MEF2A: variants seen among roughly 807,000 people sequenced by gnomAD.
MEF2A encodes myocyte enhancer factor 2A.
MEF2A carries 28 observed loss-of-function variants against 55.8 expected under a neutral mutation model. The ratio of observed to expected loss-of-function variants is 0.50; its 90% CI spans 0.37 to 0.69. The LOEUF (loss-of-function observed/expected upper bound fraction) is 0.69. Ranked by LOEUF, MEF2A falls within the 30% of genes least tolerant of loss-of-function variation. The pLI is 0.00. For missense variants in MEF2A, 528 were observed against 626.2 expected, an observed-to-expected ratio of 0.84 and a Z score of 1.67; for synonymous variants, 239 against 227.1, an observed-to-expected ratio of 1.05 and a Z score of -0.47.
rs1317833270 is a variant in MEF2A at position 99,633,127 on chromosome 15, G to A, written c.8G>A (p.Arg3Gln). The A allele has an allele frequency of 4.4e-6, 7 of 1,596,204 alleles. No individual in the cohort carries two copies. Among genetic ancestry groups the A allele is most frequent in the Non-Finnish European group, 4.3e-6 (5 of 1,172,264 alleles). Residue 3 changes from arginine to glutamine, a missense_variant, in exon 3 of 12, where the codon CGG becomes CAG. Coordinates refer to ENST00000557942, the MANE Select transcript of MEF2A (RefSeq NM_001319206.4). MG[R>Q]KKIQITRIMD... ...AAGGAAAGTTGACTGAAAATGGGGC[G>A]GAAGAAAATACAAATCACACGCATA...
In MEF2A at chr15:99,630,523, T is replaced by C. The variant is rs568835890; in HGVS notation, c.-142-2455T>C. Among the ~76,000 whole-genome samples, 34 of 152,368 alleles carry C rather than the reference T, an allele frequency of 2.2e-4. No homozygotes were observed. The South Asian group carries it at 6.4e-3, about 29-fold the overall frequency. Reference sequence around the variant, plus strand: ...TTCTGATAACACCATTATCTGGATCTACTGTGAATCTGTTTCTATTGCCAT... The same window carrying C: ...TTCTGATAACACCATTATCTGGATCCACTGTGAATCTGTTTCTATTGCCAT... On this transcript the variant is annotated intron_variant, in intron 2 of 11. Transcript: ENST00000557942.
chr15:99,675,425 A>T lies in MEF2A; in HGVS notation c.637A>T (p.Thr213Ser). ...AGGMLSTTDL[T>S]VPNGAGSSPV... ...TGGGATGTTGAGCACTACAGACCTC[A>T]CAGTGCCAAATGGAGCTGGAAGCAG... Residue 213 changes from threonine to serine, a missense_variant, in exon 7 of 12, where the codon ACA (threonine) becomes TCA (serine). By Grantham distance (58) the Thr-to-Ser change is moderately conservative. Transcript: ENST00000557942. 6.2e-7 allele frequency: 1 copy of T among 1,613,972 alleles called. No homozygotes were observed.
intron 7 of MEF2A, among the ~76,000 whole-genome samples, chr15:99,689,473 G>A (rs937643444): frequency 3.3e-5 from 5 of 151,998 alleles, no homozygotes; most frequent in African/African-American, 1.2e-4. Flanking sequence ...TCTTAGAAAT[G>A]TGGTCTTTTG....
At chr15:99,707,563 G>A (rs1298674342) in intron 10 of MEF2A, among the ~76,000 whole-genome samples, 1 of 152,224 alleles carries the variant, frequency 6.6e-6, no homozygotes, top group East Asian at 1.9e-4. Flanking sequence ...CAAGCAGACT[G>A]TATGGAGAAT....
intron 4 of MEF2A, among the ~76,000 whole-genome samples, chr15:99,666,026 T>C (rs897204117): frequency 1.6e-4 from 24 of 152,156 alleles, no homozygotes; most frequent in African/African-American, 4.8e-4. Context: ...GAAGACAGTG[T>C]GGTGATTCCT....
At chr15:99,578,586 T>C (rs1429966585) in intron 1 of MEF2A, among the ~76,000 whole-genome samples, 1 of 152,204 alleles carries the variant, frequency 6.6e-6, no homozygotes. Context: ...GGACTGCCGC[T>C]CATTGCTACT....
At chr15:99,685,845 C>G (rs976850606) in intron 7 of MEF2A, among the ~76,000 whole-genome samples, 1 of 152,104 alleles carries the variant, frequency 6.6e-6, no homozygotes, top group African/African-American at 2.4e-5. Context: ...AGGAAGGATT[C>G]TTTCTTACTC....
intron 3 of MEF2A, 81 bp from the exon 4 acceptor site, chr15:99,645,480 A>T: frequency 1.9e-6 from 2 of 1,048,208 alleles, no homozygotes; most frequent in South Asian, 3.2e-5. Context: ...CTCAGTATTA[A>T]GAAGAAGATT....
At chr15:99,604,758 CGTGTAT>C (rs1974461398) in intron 2 of MEF2A, among the ~76,000 whole-genome samples, 1 of 149,358 alleles carries the variant, frequency 6.7e-6, no homozygotes, top group South Asian at 2.1e-4. Flanking sequence ...TGTTTTTGTA[CGTGTAT>C]AAGTTAGTAT....
intron 4 of MEF2A, among the ~76,000 whole-genome samples, chr15:99,669,340 G>C (rs1169418319): frequency 6.6e-6 from 1 of 152,178 alleles, no homozygotes; most frequent in African/African-American, 2.4e-5. Flanking sequence ...TACTATATTT[G>C]TTCTGTTTCT....
At chr15:99,690,924 T>C (rs547959763) in intron 8 of MEF2A, among the ~76,000 whole-genome samples, 3 of 152,314 alleles carry the variant, frequency 2.0e-5, no homozygotes, top group African/African-American at 7.2e-5. Flanking sequence ...ACATTGCAGA[T>C]GGAGTATATT....
At chr15:99,605,311 T>C (rs1252094132) in intron 2 of MEF2A, among the ~76,000 whole-genome samples, 2 of 152,232 alleles carry the variant, frequency 1.3e-5, no homozygotes, top group East Asian at 3.8e-4. Flanking sequence ...TTAATTTACC[T>C]ATTTTAAGGA....
At chr15:99,685,329 T>G (rs1303424292) in intron 7 of MEF2A, among the ~76,000 whole-genome samples, 3 of 152,222 alleles carry the variant, frequency 2.0e-5, no homozygotes, top group African/African-American at 7.2e-5. Context: ...TCCGTGAGCA[T>G]GAGATGTGTT....
intron 2 of MEF2A, among the ~76,000 whole-genome samples, chr15:99,612,433 A>C (rs75536444): frequency 1.3e-5 from 2 of 151,992 alleles, no homozygotes. Flanking sequence ...CAAACAAAAC[A>C]CTGAATTATT....
chr15:99,689,187 G>A (rs1010353368), intron 7 of MEF2A, among the ~76,000 whole-genome samples: 8 of 152,240 alleles, frequency 5.3e-5, no homozygotes, highest in Admixed American at 2.0e-4. Flanking sequence ...GATGATTAAA[G>A]TGAGATAAAT....
intron 3 of MEF2A, among the ~76,000 whole-genome samples, chr15:99,633,658 A>G (rs2043285507): frequency 6.6e-6 from 1 of 152,206 alleles, no homozygotes; most frequent in African/African-American, 2.4e-5. Context: ...TTAAATTTAT[A>G]TATGTACCTC....
intron 8 of MEF2A, among the ~76,000 whole-genome samples, chr15:99,694,661 C>G (rs553370762): frequency 1.2e-4 from 18 of 152,322 alleles, no homozygotes; most frequent in Admixed American, 3.9e-4. Flanking sequence ...TACTCTTTCT[C>G]CCGCTTTTCA....
intron 1 of MEF2A, among the ~76,000 whole-genome samples, chr15:99,590,437 G>C (rs1486100687): frequency 6.8e-6 from 1 of 146,798 alleles, no homozygotes; most frequent in Admixed American, 6.9e-5. Flanking sequence ...TTTTAATCTA[G>C]TATGACAGTC....
At chr15:99,567,944 T>C (rs1374271131) in intron 1 of MEF2A, among the ~76,000 whole-genome samples, 1 of 152,180 alleles carries the variant, frequency 6.6e-6, no homozygotes, top group Non-Finnish European at 1.5e-5. Flanking sequence ...GAGCTAAAAC[T>C]GGTGATTTGA....
Sources: allele counts gnomAD v4.1 joint callset (sites outside exome capture counted in the v4.1 genomes callset), GRCh38; gene constraint gnomAD v4.1.1; transcripts MANE v1.5; gene names NCBI Gene and HGNC (gene_info 2026-07-23, HGNC 2026-07-21).